SCARA3: variants seen among roughly 807,000 people sequenced by gnomAD.
SCARA3 encodes the protein scavenger receptor class A member 3.
A neutral mutation model predicts 47.0 loss-of-function variants in SCARA3; 39 were observed. That is an observed-to-expected ratio of 0.83 (90% CI 0.64 to 1.08). SCARA3 has a LOEUF of 1.08. Among genes scored for constraint, SCARA3 ranks in the 50% least tolerant of loss-of-function variants. SCARA3 has a pLI of 0.00. For synonymous variants in SCARA3, 356 were observed against 334.1 expected (o/e 1.07, Z -0.71); for missense variants, 724 against 792.3 (o/e 0.91, Z 1.04).
rs768282265 is a variant in SCARA3, at chr8:27,656,837, T to C, written c.282T>C (p.Tyr94=). The change falls in exon 4 of 6, where the codon TAT becomes TAC. Residue 94 remains tyrosine, a synonymous_variant. Transcript: ENST00000301904. ...ACATCTCCTTGACCCAGTCTATTTA[T>C]GACAAGAAGCTTGTGTTAATGCAGA... ...SEDISLTQSI[Y]DKKLVLMQKN... is the part of the protein sequence containing the mutation. 9 of 1,613,246 alleles carry C rather than the reference T, an allele frequency of 5.6e-6. No homozygotes were observed. In the East Asian group the frequency reaches 8.9e-5, roughly 16 times the overall value.
At chr8:27,654,774 A>G (rs866558292) in intron 3 of SCARA3, among the ~76,000 whole-genome samples, 40 of 148,232 alleles carry the variant, frequency 2.7e-4, no homozygotes, top group African/African-American at 9.3e-4. Flanking sequence ...TGGGTGACAG[A>G]GCAAGACTGT....
chr8:27,651,762 G>A (rs1801639153), intron 3 of SCARA3, 135 bp downstream of exon 3: 2 of 1,224,644 alleles, frequency 1.6e-6, no homozygotes, highest in African/African-American at 3.0e-5. Context: ...CCTGGCTAGG[G>A]GATCTCTATG....
chr8:27,705,270 A>T, the SCARA3 span, among the ~76,000 whole-genome samples: 1 of 152,232 alleles, frequency 6.6e-6, no homozygotes, highest in Non-Finnish European at 1.5e-5. Context: ...GGCTCCCTCC[A>T]GGGCTGGGGT....
chr8:27,650,373 A>G (rs757474232), intron 2 of SCARA3, among the ~76,000 whole-genome samples: 2 of 152,082 alleles, frequency 1.3e-5, no homozygotes, highest in Non-Finnish European at 2.9e-5. Flanking sequence ...GCCATCTCCC[A>G]GAGCTACATA....
At chr8:27,680,001 A>T (rs1178605308), downstream of SCARA3, 1 of 152,192 alleles carries the variant, frequency 6.6e-6, no homozygotes, top group Non-Finnish European at 1.5e-5. Flanking sequence ...AAAGAAAAAA[A>T]ATCAGAGAAA....
the SCARA3 span, chr8:27,701,328 T>C: frequency 1.3e-5 from 2 of 152,168 alleles, no homozygotes; most frequent in Non-Finnish European, 2.9e-5. Flanking sequence ...GTGCTATAAA[T>C]ATTTTGATTG....
the SCARA3 span, among the ~76,000 whole-genome samples, chr8:27,716,447 A>G: frequency 6.6e-6 from 1 of 152,180 alleles, no homozygotes; most frequent in Non-Finnish European, 1.5e-5. Flanking sequence ...GAAATGCTCA[A>G]AGAAAGATGG....
the SCARA3 span, among the ~76,000 whole-genome samples, chr8:27,720,226 G>A: frequency 6.6e-6 from 1 of 152,132 alleles, no homozygotes; most frequent in South Asian, 2.1e-4. Flanking sequence ...AGGGTGCTGA[G>A]CAAGTCTGAG....
downstream of SCARA3, among the ~76,000 whole-genome samples, chr8:27,679,279 G>A (rs1802324467): frequency 6.6e-6 from 1 of 152,140 alleles, no homozygotes; most frequent in South Asian, 2.1e-4. Context: ...TGAGAATAAA[G>A]ACACTTTTTT....
the SCARA3 span, among the ~76,000 whole-genome samples, chr8:27,686,727 T>C: frequency 6.6e-5 from 10 of 152,176 alleles, no homozygotes; most frequent in East Asian, 1.9e-3. Flanking sequence ...AGGTAGCTGT[T>C]GTGTTAGTTT....
At chr8:27,691,307 C>T in the SCARA3 span, among the ~76,000 whole-genome samples, 5 of 152,110 alleles carry the variant, frequency 3.3e-5, no homozygotes, top group African/African-American at 1.2e-4. Flanking sequence ...GGACCCCACC[C>T]CAACCCCAGT....
chr8:27,637,840 C>G (rs573761642), intron 1 of SCARA3, among the ~76,000 whole-genome samples: 1 of 152,004 alleles, frequency 6.6e-6, no homozygotes, highest in African/African-American at 2.4e-5. Context: ...CTCCTCTGGC[C>G]GAGAGGAGAG....
intron 3 of SCARA3, among the ~76,000 whole-genome samples, chr8:27,653,063 C>T (rs991189717): frequency 6.6e-6 from 1 of 152,198 alleles, no homozygotes; most frequent in Non-Finnish European, 1.5e-5. Flanking sequence ...AAAGGAGCCA[C>T]GGTCTGCCTA....
intron 1 of SCARA3, among the ~76,000 whole-genome samples, chr8:27,639,330 A>G (rs1801330956): frequency 6.6e-6 from 1 of 152,214 alleles, no homozygotes; most frequent in Non-Finnish European, 1.5e-5. Context: ...CCACAAAAGA[A>G]CAAATGCACG....
the SCARA3 span, among the ~76,000 whole-genome samples, chr8:27,694,892 G>A: frequency 6.6e-6 from 1 of 152,136 alleles, no homozygotes; most frequent in Non-Finnish European, 1.5e-5. Flanking sequence ...GAATCTGAAG[G>A]GCAAGGCATT....
rs1801842542 is a variant in SCARA3, at chr8:27,659,430, C to T, written c.1260C>T (p.Leu420=). The T allele has an allele frequency of 3.1e-6, 5 of 1,613,794 alleles. No homozygotes were observed. The highest frequency in any genetic ancestry group is 4.2e-6 in the Non-Finnish European group (5 of 1,179,840). The change falls in exon 5 of 6, where the codon CTC becomes CTT. Residue 420 remains leucine, a synonymous_variant. Coordinates refer to ENST00000301904, the MANE Select transcript of SCARA3 (RefSeq NM_016240.3). ...TDLLRERFSL[L]SARLDLNVRN... ...TGCTCCGGGAGCGCTTCAGCCTGCT[C>T]AGTGCCCGGCTGGACCTCAACGTCC...
At chr8:27,680,306 A>G (rs962249351), downstream of SCARA3, among the ~76,000 whole-genome samples, 1 of 152,018 alleles carries the variant, frequency 6.6e-6, no homozygotes, top group Admixed American at 6.5e-5. Flanking sequence ...AAAGATAAAT[A>G]AAATAAGAAA....
chr8:27,726,261 C>A, the SCARA3 span, among the ~76,000 whole-genome samples: 5 of 152,154 alleles, frequency 3.3e-5, no homozygotes, highest in African/African-American at 1.2e-4. Flanking sequence ...TAAAAATTAG[C>A]TGGGTGTAGT....
downstream of SCARA3, among the ~76,000 whole-genome samples, chr8:27,673,718 A>T (rs1305211244): frequency 6.6e-6 from 1 of 152,020 alleles, no homozygotes; most frequent in Non-Finnish European, 1.5e-5. Context: ...ACAATGTTCA[A>T]CACACCATAA....
Sources: allele counts gnomAD v4.1 joint callset (sites outside exome capture counted in the v4.1 genomes callset), GRCh38; gene constraint gnomAD v4.1.1; transcripts MANE v1.5; gene names NCBI Gene and HGNC (gene_info 2026-07-23, HGNC 2026-07-21).